The following ICA1 variants were observed in gnomAD, a reference collection of about 807,000 sequenced individuals.
The protein encoded by ICA1 is islet cell autoantigen 1.
Under a neutral mutation model 71.0 loss-of-function variants are expected in ICA1, and 40 were observed. That is an observed-to-expected ratio of 0.56 (90% CI 0.44 to 0.73). The LOEUF (loss-of-function observed/expected upper bound fraction) is 0.73, where lower values mean the gene tolerates loss of function less well. Among genes scored for constraint, ICA1 ranks in the 30% least tolerant of loss-of-function variants. The pLI is 0.00. For synonymous variants in ICA1, 207 were observed against 209.5 expected (o/e 0.99, Z 0.10); for missense variants, 578 against 576.5 (o/e 1.00, Z -0.03).
At chr7:8,218,657 T>C in intron 5 of ICA1, 154 bp from the exon 6 acceptor site, 1 of 664,888 alleles carries the variant, frequency 1.5e-6, no homozygotes, top group Non-Finnish European at 2.7e-6. Flanking sequence ...TCGAAATGCA[T>C]GTAGTTCCAA....
rs1397392055 is a variant in ICA1 at position 8,144,865 on chromosome 7, C to T, written c.805-893G>A. ...ATCCAAGTCATGAGCCTGGGGCCTT[C>T]ACCTTGTTTCTCCTGTCCTTCTCCT... On this transcript the variant is annotated intron_variant, in intron 8 of 13. Transcript: ENST00000402384. The surrounding 1 kb of genome is among the most constrained non-coding windows in gnomAD (Gnocchi z 4.5). 6.6e-6 allele frequency among the ~76,000 whole-genome samples: 1 copy of T among 152,184 alleles called. No individual in the cohort carries two copies. Among genetic ancestry groups the T allele is most frequent in the Non-Finnish European group, 1.5e-5 (1 of 68,040 alleles).
chr7:8,252,633 CATT>C (rs1376377174), intron 1 of ICA1, among the ~76,000 whole-genome samples: 2 of 150,410 alleles, frequency 1.3e-5, no homozygotes, highest in African/African-American at 2.5e-5. Context: ...TAAAATGTCT[CATT>C]AATAAATCCA....
intron 6 of ICA1, among the ~76,000 whole-genome samples, chr7:8,194,557 G>A (rs943287497): frequency 6.6e-6 from 1 of 152,150 alleles, no homozygotes; most frequent in Non-Finnish European, 1.5e-5. Flanking sequence ...GCCATCAAAA[G>A]CTATAAAAAT....
rs561007682 is a variant in ICA1, at chr7:8,198,653, C to T, written c.579+19652G>A. On this transcript the variant is annotated intron_variant, in intron 6 of 13. Coordinates refer to ENST00000402384, the MANE Select transcript of ICA1 (RefSeq NM_001136020.3). ...ATGACAGACTTAAGAAGACATAGAT[C>T]TGGAAAATATTTGGAAGGTCAAAAT... 3.2e-4 allele frequency among the ~76,000 whole-genome samples: 49 copies of T among 152,274 alleles called. 1 individual carries two copies. The highest frequency in any genetic ancestry group is 6.8e-3 in the Middle Eastern group (2 of 294).
chr7:8,237,841 C>A (rs1325686288), intron 1 of ICA1, among the ~76,000 whole-genome samples: 2 of 150,680 alleles, frequency 1.3e-5, no homozygotes, highest in African/African-American at 5.0e-5. Flanking sequence ...CACACACACA[C>A]ACACACACAC....
intron 6 of ICA1, among the ~76,000 whole-genome samples, chr7:8,172,017 C>T (rs1021442672): frequency 1.3e-5 from 2 of 151,842 alleles, no homozygotes; most frequent in Non-Finnish European, 2.9e-5. Flanking sequence ...GTTTTATAAA[C>T]CTAAACACAG....
At position 8,218,411 on chromosome 7, in the gene ICA1, C is replaced by T. The variant is rs1193995840; in HGVS notation, c.473G>A (p.Arg158His). The T allele has an allele frequency of 5.0e-6, 8 of 1,614,062 alleles. No individual in the cohort carries two copies. In the South Asian group the frequency reaches 5.5e-5, roughly 11 times the overall value. ...AISDTWLTVNRMEQCRTEYRG... is the reference protein window; with the variant it reads ...AISDTWLTVNHMEQCRTEYRG... ...ATATTCCGTCCTGCACTGTTCCATG[C>T]GGTTCACCGTCAGCCAAGTATCTGA... The change falls in exon 6 of 14, where the codon CGC becomes CAC. Residue 158 changes from arginine to histidine, a missense_variant. Coordinates refer to ENST00000402384, the MANE Select transcript of ICA1 (RefSeq NM_001136020.3).
At chr7:8,181,097 A>T (rs139838648) in intron 6 of ICA1, among the ~76,000 whole-genome samples, 29 of 152,204 alleles carry the variant, frequency 1.9e-4, no homozygotes, top group African/African-American at 6.7e-4. Context: ...GTTTTAAAAG[A>T]GTTATTGTTC....
At chr7:8,251,632 G>A (rs1808243019) in intron 1 of ICA1, among the ~76,000 whole-genome samples, 1 of 151,792 alleles carries the variant, frequency 6.6e-6, no homozygotes, top group African/African-American at 2.4e-5. Flanking sequence ...AGTTCACATA[G>A]AGGAATGCTG....
chr7:8,157,276 A>G, intron 7 of ICA1, 62 bp from the exon 8 acceptor site: 1 of 1,444,268 alleles, frequency 6.9e-7, no homozygotes, highest in Non-Finnish European at 9.4e-7. Flanking sequence ...CCTGGTCCCC[A>G]GGGAAGTATG....
chr7:8,135,411 T>C (rs1253014696), intron 12 of ICA1, among the ~76,000 whole-genome samples: 3 of 151,560 alleles, frequency 2.0e-5, no homozygotes, highest in Non-Finnish European at 2.9e-5. Context: ...CAGTATTTGG[T>C]TAAAAAAAAA....
rs113062448 is a variant in ICA1, at chr7:8,156,961, A to C, written c.804+155T>G. On this transcript the variant is annotated intron_variant, in intron 8 of 13. Coordinates refer to ENST00000402384, the MANE Select transcript of ICA1 (RefSeq NM_001136020.3). Reference sequence around the variant, plus strand: ...AAAAAAAAAAAAAAAAAAAGAAAGAAAGAAAGAAAGAAAAAGACTCTGCTG... The same window carrying C: ...AAAAAAAAAAAAAAAAAAAGAAAGACAGAAAGAAAGAAAAAGACTCTGCTG... 7,231 of 1,520,742 alleles carry C rather than the reference A, an allele frequency of 4.8e-3. 319 individuals carry two copies. In the African/African-American group the frequency reaches 0.091, roughly 19 times the overall value. The allele number at this position is 1,520,742 out of a possible 1,614,324, so 94.2% of individuals were successfully genotyped here. A position where few individuals can be genotyped will look rare whatever the true frequency, so the allele number is the denominator to read the frequency against.
intron 13 of ICA1, among the ~76,000 whole-genome samples, chr7:8,122,233 A>G (rs138623880): frequency 3.4e-4 from 52 of 152,310 alleles, no homozygotes; most frequent in African/African-American, 1.1e-3. Flanking sequence ...GTGGTTCTCC[A>G]GGGAAACAAT....
chr7:8,216,225 G>C (rs1218308037), intron 6 of ICA1, among the ~76,000 whole-genome samples: 1 of 152,148 alleles, frequency 6.6e-6, no homozygotes, highest in Non-Finnish European at 1.5e-5. Context: ...GTGCTCATTT[G>C]GGGTCAAGTG....
At chr7:8,201,713 T>C (rs548254649) in intron 6 of ICA1, among the ~76,000 whole-genome samples, 1 of 152,310 alleles carries the variant, frequency 6.6e-6, no homozygotes, top group African/African-American at 2.4e-5. Context: ...TTCTATGTTT[T>C]ATGGAAAGAA....
rs557958075 is a variant in ICA1 at position 8,186,244 on chromosome 7, T to C, written c.580-27592A>G. 1.6e-4 allele frequency among the ~76,000 whole-genome samples: 25 copies of C among 152,330 alleles called. No individual in the cohort carries two copies. In the South Asian group the frequency reaches 5.2e-3, roughly 32 times the overall value. ...AACAGCAGGGTGGCCATACAATTTA[T>C]TGTCCAAACAGGGACGCTCTCTGAG... On this transcript the variant is annotated intron_variant, in intron 6 of 13. Transcript: ENST00000402384.
At chr7:8,133,628 C>T (rs1584363102) in intron 12 of ICA1, among the ~76,000 whole-genome samples, 1 of 152,312 alleles carries the variant, frequency 6.6e-6, no homozygotes, top group East Asian at 1.9e-4. Flanking sequence ...TACTCATTTA[C>T]TCAAAGGCCT....
At chr7:8,227,058 A>G (rs1798808459) in intron 4 of ICA1, among the ~76,000 whole-genome samples, 1 of 152,226 alleles carries the variant, frequency 6.6e-6, no homozygotes, top group South Asian at 2.1e-4. Flanking sequence ...TACTTAAAAA[A>G]ATAAAGTTAC....
At chr7:8,185,212 A>C (rs2128280175) in intron 6 of ICA1, among the ~76,000 whole-genome samples, 1 of 152,388 alleles carries the variant, frequency 6.6e-6, no homozygotes, top group Non-Finnish European at 1.5e-5. Context: ...GCTGTGAAAA[A>C]TAAAAGTAAA....
Sources: allele counts gnomAD v4.1 joint callset (sites outside exome capture counted in the v4.1 genomes callset), GRCh38; gene constraint gnomAD v4.1.1; non-coding constraint Gnocchi (gnomAD v3.1); transcripts MANE v1.5; gene names NCBI Gene and HGNC (gene_info 2026-07-23, HGNC 2026-07-21).